ANK3: variants seen among roughly 807,000 people sequenced by gnomAD.
The protein encoded by ANK3 is ankyrin 3, also known as ankyrin-3.
In ANK3, 57 loss-of-function variants were observed where a neutral mutation model predicts 370.9. The ratio of observed to expected loss-of-function variants is 0.15; its 90% confidence interval spans 0.12 to 0.19. ANK3 has a LOEUF of 0.19. Among genes scored for constraint, ANK3 ranks in the 10% least tolerant of loss-of-function variants. The probability of loss-of-function intolerance (pLI) is 1.00; values close to 1 mark genes in which losing one functional copy is unlikely to be tolerated. For synonymous variants in ANK3, 1,929 were observed against 1,946.3 expected, an observed-to-expected ratio of 0.99 and a Z score of 0.23; for missense variants, 4,439 against 5,302.1, an observed-to-expected ratio of 0.84 and a Z score of 5.06.
At chr10:60,219,983 A>G (rs1363151417) in intron 8 of ANK3, among the ~76,000 whole-genome samples, 1 of 152,196 alleles carries the variant, frequency 6.6e-6, no homozygotes, top group African/African-American at 2.4e-5. Flanking sequence ...GATTTAAAAC[A>G]TTTGCTTTTA....
At chr10:60,207,032 A>T (rs1419568541) in intron 10 of ANK3, among the ~76,000 whole-genome samples, 2 of 152,198 alleles carry the variant, frequency 1.3e-5, no homozygotes, top group Non-Finnish European at 2.9e-5. Context: ...TCTTGTATGG[A>T]AAAAAGAGTC....
At chr10:60,139,143 T>G in intron 23 of ANK3, 56 bp from the exon 24 acceptor site, 2 of 1,588,576 alleles carry the variant, frequency 1.3e-6, no homozygotes, top group Non-Finnish European at 1.7e-6. Flanking sequence ...AAGTGTCAGC[T>G]GTGGAGAAAA....
chr10:60,590,769 C>A (rs1274205943), intron 2 of ANK3, among the ~76,000 whole-genome samples: 1 of 152,180 alleles, frequency 6.6e-6, no homozygotes, highest in East Asian at 1.9e-4. Flanking sequence ...TACTTTAAAT[C>A]ATCTCTAGAC....
intron 16 of ANK3, among the ~76,000 whole-genome samples, chr10:60,189,290 C>T (rs1012884548): frequency 1.6e-4 from 24 of 152,010 alleles, no homozygotes; most frequent in African/African-American, 4.8e-4. Context: ...CTCAGGAGCT[C>T]GAGACCACCC....
chr10:60,124,611 A>AG (rs1410553745), intron 25 of ANK3, among the ~76,000 whole-genome samples: 3 of 152,248 alleles, frequency 2.0e-5, no homozygotes, highest in Non-Finnish European at 4.4e-5. Flanking sequence ...CTGGATTAAC[A>AG]GAAATAATAG....
intron 1 of ANK3, among the ~76,000 whole-genome samples, chr10:60,303,716 G>A (rs1310755172): frequency 6.6e-6 from 1 of 152,100 alleles, no homozygotes; most frequent in Non-Finnish European, 1.5e-5. Context: ...ACTACCTTAT[G>A]ATTCAGCACC....
chr10:60,030,837 C>G (rs2073325595), intron 43 of ANK3, among the ~76,000 whole-genome samples: 1 of 152,164 alleles, frequency 6.6e-6, no homozygotes, highest in South Asian at 2.1e-4. Context: ...GGCAAACACC[C>G]AGTTTGGTTT....
chr10:60,569,053 T>G (rs79479746), intron 2 of ANK3, among the ~76,000 whole-genome samples: 165 of 43,030 alleles, frequency 3.8e-3, no homozygotes, highest in African/African-American at 0.01. Context: ...GTCTATTGTA[T>G]TTTTTTAATG....
chr10:60,436,131 A>C (rs2064153106), intron 2 of ANK3, among the ~76,000 whole-genome samples: 3 of 152,172 alleles, frequency 2.0e-5, no homozygotes, highest in Non-Finnish European at 4.4e-5. Context: ...AAGTCTCATC[A>C]ATGTAGCATG....
chr10:60,056,476 A>G (rs367716847), intron 41 of ANK3, among the ~76,000 whole-genome samples: 26 of 152,250 alleles, frequency 1.7e-4, no homozygotes, highest in East Asian at 1.5e-3. Flanking sequence ...CTCAAAATAA[A>G]TAAATAAAAT....
chr10:60,458,175 G>A (rs905211448), intron 2 of ANK3, among the ~76,000 whole-genome samples: 1 of 152,052 alleles, frequency 6.6e-6, no homozygotes, highest in Admixed American at 6.6e-5. Context: ...CTCTGACTCG[G>A]CATCCTGCAA....
intron 1 of ANK3, among the ~76,000 whole-genome samples, chr10:60,697,436 G>A (rs1035091767): frequency 1.7e-4 from 25 of 150,492 alleles, no homozygotes; most frequent in African/African-American, 4.1e-4. Context: ...AAAAGAGCCC[G>A]CATCGCCAAG....
chr10:60,095,019 G>C (rs1222943616), intron 28 of ANK3, among the ~76,000 whole-genome samples: 1 of 152,218 alleles, frequency 6.6e-6, no homozygotes, highest in African/African-American at 2.4e-5. Flanking sequence ...AGGCCCCAAG[G>C]GGGAAGGAGG....
rs539636982 is a variant in ANK3, at chr10:60,579,941, G to T, written c.96+35245C>A. Among the ~76,000 whole-genome samples the T allele has an allele frequency of 2.6e-5, 4 of 152,198 alleles. No homozygotes were observed. In the South Asian group the frequency reaches 6.2e-4, roughly 24 times the overall value. On this transcript the variant is annotated intron_variant, in intron 2 of 43. Coordinates refer to the ANK3 transcript ENST00000373827. The stretch of plus-strand genomic sequence containing the variant: ...CAGCAGTGAAAATGACATTCCTCTG[G>T]AGTTTACCATTCATTATCAATCTAA...
chr10:60,414,178 T>TTAA (rs1451541593), intron 2 of ANK3, among the ~76,000 whole-genome samples: 2 of 152,160 alleles, frequency 1.3e-5, no homozygotes, highest in African/African-American at 2.4e-5. Context: ...CAATGGCATT[T>TTAA]TAAGTTACCA....
chr10:60,072,496 T>G lies in ANK3; in HGVS notation c.8385A>C (p.Gln2795His). ...AATCATTTACAACAATTTCGTTGCT[T>G]TGGGCATGCTCATCTTTGGTTTTTA... ...MVLKTKDEHA[Q>H]SNEIVVNDSG... Residue 2795 changes from glutamine to histidine, a missense_variant, in exon 37 of 44, where the codon CAA becomes CAC. This residue lies in a region of ANK3 where 1,601 missense variants were observed against 1,731.7 expected (regional missense o/e 0.92). Transcript: ENST00000280772. 3.7e-6 allele frequency: 6 copies of G among 1,614,012 alleles called. No individual in the cohort carries two copies. Among genetic ancestry groups the G allele is most frequent in the Non-Finnish European group, 4.2e-6 (5 of 1,179,992 alleles).
Position 60,245,247 on chromosome 10 carries a change from C to T in ANK3, c.799-10461G>A, listed in dbSNP as rs556799729. Among the ~76,000 whole-genome samples, 286 of 151,802 alleles carry T rather than the reference C, an allele frequency of 1.9e-3. 1 individual carries two copies. Among genetic ancestry groups the T allele is most frequent in the African/African-American group, 6.1e-3 (252 of 41,446 alleles). On this transcript the variant is annotated intron_variant, in intron 7 of 43. Coordinates refer to ENST00000280772, the MANE Select transcript of ANK3 (RefSeq NM_020987.5). ...AAATTAGAGAACTGAATTTCTGTTC[C>T]CTTTAATTTTCTTAAGAGTATAAAA...
chr10:60,335,806 C>T (rs1462680726), intron 1 of ANK3, among the ~76,000 whole-genome samples: 1 of 152,124 alleles, frequency 6.6e-6, no homozygotes. Context: ...AACAACCCTA[C>T]CTAGCAGATT....
intron 1 of ANK3, among the ~76,000 whole-genome samples, chr10:60,357,549 G>C (rs890283654): frequency 2.1e-4 from 21 of 98,320 alleles, no homozygotes; most frequent in African/African-American, 6.8e-4. Flanking sequence ...TAAGGAAATC[G>C]AGTTGCACAG....
Sources: allele counts gnomAD v4.1 joint callset (sites outside exome capture counted in the v4.1 genomes callset), GRCh38; gene constraint gnomAD v4.1.1; regional missense constraint gnomAD v4.1.1; transcripts MANE v1.5; gene names NCBI Gene and HGNC (gene_info 2026-07-23, HGNC 2026-07-21).